The following LRRC8C variants were observed in gnomAD, a reference collection of about 807,000 sequenced individuals.
LRRC8C encodes the protein volume-regulated anion channel subunit LRRC8C.
In LRRC8C, 20 loss-of-function variants were observed where a neutral mutation model predicts 55.3. That is an observed-to-expected ratio of 0.36 (90% CI 0.25 to 0.53). The LOEUF is 0.53. LRRC8C is among the 20% of genes least tolerant of loss of function. The probability of loss-of-function intolerance (pLI) is 0.92; values close to 1 mark genes in which losing one functional copy is unlikely to be tolerated. For synonymous variants in LRRC8C, 376 were observed against 360.7 expected (o/e 1.04, Z -0.48); for missense variants, 659 against 951.4 (o/e 0.69, Z 4.04).
chr1:89,649,520 G>T (rs181964353), intron 1 of LRRC8C, among the ~76,000 whole-genome samples: 262 of 151,990 alleles, frequency 1.7e-3, no homozygotes, highest in Non-Finnish European at 2.7e-3. Flanking sequence ...GTCCAGAAAA[G>T]ATTTTTTTTA....
intron 2 of LRRC8C, among the ~76,000 whole-genome samples, chr1:89,697,217 T>G (rs2101316846): frequency 6.6e-6 from 1 of 152,338 alleles, no homozygotes; most frequent in South Asian, 2.1e-4. Context: ...TTGCTAAAAA[T>G]AAATAGCAAA....
At chr1:89,642,813 C>T (rs1432136912) in intron 1 of LRRC8C, among the ~76,000 whole-genome samples, 1 of 151,398 alleles carries the variant, frequency 6.6e-6, no homozygotes, top group Non-Finnish European at 1.5e-5. Flanking sequence ...TGCCACTGCA[C>T]TCCAGCCTGG....
intron 1 of LRRC8C, among the ~76,000 whole-genome samples, chr1:89,656,829 T>TA (rs1193083396): frequency 2.0e-5 from 3 of 152,220 alleles, no homozygotes; most frequent in Admixed American, 6.5e-5. Flanking sequence ...CTATTTTTTT[T>TA]ATTCAAAGTT....
At chr1:89,661,387 G>C (rs1657118602) in intron 1 of LRRC8C, 3 of 319,640 alleles carry the variant, frequency 9.4e-6, no homozygotes, top group African/African-American at 2.2e-5. Context: ...AGTACCTCCA[G>C]CTCCAATGAA....
intron 1 of LRRC8C, among the ~76,000 whole-genome samples, chr1:89,656,974 A>C (rs1656962280): frequency 6.6e-6 from 1 of 152,054 alleles, no homozygotes; most frequent in Non-Finnish European, 1.5e-5. Context: ...GGGGTTAAAT[A>C]ACCTGCCCAA....
intron 1 of LRRC8C, among the ~76,000 whole-genome samples, chr1:89,654,173 A>G (rs1319777265): frequency 1.3e-5 from 2 of 152,208 alleles, no homozygotes; most frequent in Non-Finnish European, 1.5e-5. Context: ...CAACTCAGAA[A>G]CAAATAGTGT....
At chr1:89,711,605 T>C (rs1658650922) in intron 2 of LRRC8C, among the ~76,000 whole-genome samples, 1 of 152,248 alleles carries the variant, frequency 6.6e-6, no homozygotes, top group Non-Finnish European at 1.5e-5. Flanking sequence ...AGATGATTCG[T>C]CTAGGTTTAT....
At chr1:89,667,163 T>C (rs1279382879) in intron 1 of LRRC8C, among the ~76,000 whole-genome samples, 1 of 152,054 alleles carries the variant, frequency 6.6e-6, no homozygotes. Context: ...CTTAGACCGT[T>C]TTCTCCTCTC....
intron 1 of LRRC8C, among the ~76,000 whole-genome samples, chr1:89,641,873 C>T (rs934854887): frequency 6.6e-6 from 1 of 152,108 alleles, no homozygotes; most frequent in Non-Finnish European, 1.5e-5. Context: ...GTGTTCTGTT[C>T]TACTTAGCAT....
At chr1:89,644,667 G>A (rs1026702677) in intron 1 of LRRC8C, among the ~76,000 whole-genome samples, 3 of 152,168 alleles carry the variant, frequency 2.0e-5, no homozygotes, top group African/African-American at 7.2e-5. Flanking sequence ...CTTGCTCTGT[G>A]GTTGGAAAGT....
rs530887691 is a variant in LRRC8C at position 89,680,299 on chromosome 1, G to A, written c.-4-6171G>A. Among the ~76,000 whole-genome samples, 12 of 152,012 alleles carry A rather than the reference G, an allele frequency of 7.9e-5. No individual in the cohort carries two copies. In the South Asian group the frequency reaches 1.0e-3, roughly 13 times the overall value. On this transcript the variant is annotated intron_variant, in intron 1 of 2. Transcript: ENST00000370454. Reference sequence around the variant, plus strand: ...TCACCGTGTTAGCCAGGATGGTCTCGATCTCCTGACCTTGTGATCCGCCCA... The same window carrying A: ...TCACCGTGTTAGCCAGGATGGTCTCAATCTCCTGACCTTGTGATCCGCCCA...
chr1:89,654,089 G>A (rs2101200452), intron 1 of LRRC8C, among the ~76,000 whole-genome samples: 1 of 152,250 alleles, frequency 6.6e-6, no homozygotes, highest in East Asian at 1.9e-4. Flanking sequence ...CATGGAAAAG[G>A]ATGAAATCAT....
chr1:89,645,958 C>CAGATAGATAGAT (rs57855698), intron 1 of LRRC8C, among the ~76,000 whole-genome samples: 46,223 of 150,104 alleles, frequency 0.31, 7,511 homozygotes, highest in East Asian at 0.53. Flanking sequence ...GGAAGATGAT[C>CAGATAGATAGAT]AGATAGATAG....
intron 1 of LRRC8C, among the ~76,000 whole-genome samples, chr1:89,685,337 G>C (rs941450787): frequency 1.4e-5 from 2 of 145,886 alleles, no homozygotes; most frequent in East Asian, 2.0e-4. Context: ...GGATGGTCTT[G>C]ATCTCCTGAC....
At chr1:89,668,525 C>G (rs915331033) in intron 1 of LRRC8C, among the ~76,000 whole-genome samples, 3 of 152,126 alleles carry the variant, frequency 2.0e-5, no homozygotes, top group Admixed American at 6.6e-5. Flanking sequence ...ATATGATTGC[C>G]CTGAATGCAA....
chr1:89,690,452 T>C (rs1657997653), intron 2 of LRRC8C, among the ~76,000 whole-genome samples: 1 of 152,168 alleles, frequency 6.6e-6, no homozygotes, highest in Admixed American at 6.5e-5. Context: ...TATCAACCTG[T>C]CTTTATTACT....
intron 1 of LRRC8C, among the ~76,000 whole-genome samples, chr1:89,665,478 G>A (rs867330306): frequency 2.8e-4 from 42 of 152,148 alleles, no homozygotes; most frequent in Middle Eastern, 3.4e-3. Context: ...ACATGTTGGC[G>A]TCTTCGTTTT....
chr1:89,669,614 T>C (rs1302778372), intron 1 of LRRC8C, among the ~76,000 whole-genome samples: 1 of 152,172 alleles, frequency 6.6e-6, no homozygotes, highest in Non-Finnish European at 1.5e-5. Context: ...TGAAGCAAGA[T>C]ACTGTTCTTT....
intron 1 of LRRC8C, among the ~76,000 whole-genome samples, chr1:89,634,378 T>G (rs1656221284): frequency 6.6e-6 from 1 of 152,122 alleles, no homozygotes; most frequent in African/African-American, 2.4e-5. Flanking sequence ...TAAAGCAGCC[T>G]TTGAAGGAAG....
Sources: allele counts gnomAD v4.1 joint callset (sites outside exome capture counted in the v4.1 genomes callset), GRCh38; gene constraint gnomAD v4.1.1; transcripts MANE v1.5; gene names NCBI Gene and HGNC (gene_info 2026-07-23, HGNC 2026-07-21).